Variants in PRDM16 observed in about 807,000 individuals in gnomAD.
PRDM16 encodes histone-lysine N-methyltransferase PRDM16.
A neutral mutation model predicts 110.6 loss-of-function variants in PRDM16; 23 were observed. The observed-to-expected ratio is 0.21, with a 90% CI of 0.15 to 0.29. PRDM16 has a LOEUF of 0.29. Among genes scored for constraint, PRDM16 ranks in the 10% least tolerant of loss-of-function variants. The pLI is 1.00. For missense variants in PRDM16, 1,615 were observed against 1,794.3 expected (o/e 0.90, Z 1.81); for synonymous variants, 799 against 781.8 (o/e 1.02, Z -0.37).
intron 1 of PRDM16, among the ~76,000 whole-genome samples, chr1:3,072,814 G>A (rs955341777): frequency 1.3e-5 from 2 of 152,030 alleles, no homozygotes; most frequent in African/African-American, 4.8e-5. Context: ...GCGGTGGAGG[G>A]GTGGAGTGCG....
At chr1:3,227,030 G>A (rs897696475) in intron 2 of PRDM16, among the ~76,000 whole-genome samples, 8 of 152,264 alleles carry the variant, frequency 5.3e-5, no homozygotes, top group South Asian at 2.1e-4. Flanking sequence ...CAATTCATAC[G>A]TTTAATAATA....
chr1:3,240,199 T>C (rs896156236), intron 2 of PRDM16, among the ~76,000 whole-genome samples: 1 of 151,408 alleles, frequency 6.6e-6, no homozygotes, highest in Non-Finnish European at 1.5e-5. Context: ...TTTGGGAGGA[T>C]TGCTGGAGTC....
At chr1:3,228,870 G>A (rs1336404495) in intron 2 of PRDM16, among the ~76,000 whole-genome samples, 1 of 152,196 alleles carries the variant, frequency 6.6e-6, no homozygotes, top group African/African-American at 2.4e-5. Context: ...CACCGCCACG[G>A]GCAGTGCTTT....
At chr1:3,345,776 GC>G in intron 3 of PRDM16, among the ~76,000 whole-genome samples, 1 of 75,036 alleles carries the variant, frequency 1.3e-5, no homozygotes, top group East Asian at 2.0e-4. Context: ...CTCCCGTGCT[GC>G]CCCCTCTGTG....
At chr1:3,412,954 T>C (rs1643718855) in intron 9 of PRDM16, among the ~76,000 whole-genome samples, 154 bp downstream of exon 9, 1 of 151,998 alleles carries the variant, frequency 6.6e-6, no homozygotes, top group African/African-American at 2.4e-5. Flanking sequence ...CTTGGGGGGG[T>C]CTGCACCCCT....
At position 3,255,956 on chromosome 1, in the gene PRDM16, G is replaced by A. The variant is rs563413465; in HGVS notation, c.438+11819G>A. Among the ~76,000 whole-genome samples the A allele has an allele frequency of 7.2e-6, 1 of 139,078 alleles. No individual in the cohort carries two copies. Among genetic ancestry groups the A allele is most frequent in the African/African-American group, 2.5e-5 (1 of 40,230 alleles). 91.2% of individuals were successfully genotyped at this position (139,078 alleles called of 152,430 possible). ...CGTGGCCACACCAACAGTACAGGGTGGAACGAGCTCCGCCTCTCAGGGGAG... is the reference window on the plus strand; with the variant it reads ...CGTGGCCACACCAACAGTACAGGGTAGAACGAGCTCCGCCTCTCAGGGGAG... On this transcript the variant is annotated intron_variant, in intron 3 of 16. Coordinates refer to ENST00000270722, the MANE Select transcript of PRDM16 (RefSeq NM_022114.4). The surrounding 1 kb of genome is among the most constrained non-coding windows in gnomAD (Gnocchi z 4.7).
Position 3,209,491 on chromosome 1 carries a change from G to A in PRDM16, c.387+23017G>A, listed in dbSNP as rs889475081. On this transcript the variant is annotated intron_variant, in intron 2 of 16. Coordinates refer to ENST00000270722, the MANE Select transcript of PRDM16 (RefSeq NM_022114.4). This position sits in a 1 kb window ranked among gnomAD's most constrained non-coding sequence, Gnocchi z 4.6. Reference sequence around the variant, plus strand: ...CCCCGGGACAGCCAGGGAGGCAGGAGGCCAGGCCTGGGTGTGGAATAGGCC... The same window carrying A: ...CCCCGGGACAGCCAGGGAGGCAGGAAGCCAGGCCTGGGTGTGGAATAGGCC... 6.6e-5 allele frequency among the ~76,000 whole-genome samples: 10 copies of A among 152,230 alleles called. No individual in the cohort carries two copies. The highest frequency in any genetic ancestry group is 2.4e-4 in the African/African-American group (10 of 41,462).
intron 3 of PRDM16, among the ~76,000 whole-genome samples, chr1:3,341,673 C>A (rs149398551): frequency 6.6e-6 from 1 of 152,226 alleles, no homozygotes; most frequent in Non-Finnish European, 1.5e-5. Context: ...AGAAAACATA[C>A]GTCGGGTTTT....
intron 3 of PRDM16, among the ~76,000 whole-genome samples, chr1:3,313,282 C>A (rs774258254): frequency 2.4e-4 from 36 of 152,364 alleles, no homozygotes; most frequent in Non-Finnish European, 4.0e-4. Flanking sequence ...GGAGCTGGAG[C>A]CCCACTCGCC....
chr1:3,316,668 C>CAGGAAACAGTGACACAGGGTAGAT (rs1194103521), intron 3 of PRDM16, among the ~76,000 whole-genome samples: 1 of 149,168 alleles, frequency 6.7e-6, no homozygotes, highest in East Asian at 1.9e-4. Flanking sequence ...ACAGGGTAGA[C>CAGGAAACAGTGACACAGGGTAGAT]AGGAAACAGT....
At chr1:3,231,293 G>A (rs565677227) in intron 2 of PRDM16, among the ~76,000 whole-genome samples, 2 of 152,178 alleles carry the variant, frequency 1.3e-5, no homozygotes, top group East Asian at 1.9e-4. Flanking sequence ...GGGTGGTTAC[G>A]TCTTGAGCGC....
At chr1:3,342,034 C>T (rs1252350415) in intron 3 of PRDM16, among the ~76,000 whole-genome samples, 1 of 152,218 alleles carries the variant, frequency 6.6e-6, no homozygotes, top group Non-Finnish European at 1.5e-5. Context: ...ATTGAGGTTG[C>T]AGGTTGCTGG....
At chr1:3,117,360 A>G (rs1227105266) in intron 1 of PRDM16, among the ~76,000 whole-genome samples, 1 of 152,126 alleles carries the variant, frequency 6.6e-6, no homozygotes, top group Non-Finnish European at 1.5e-5. Flanking sequence ...GGATGGGGCC[A>G]ATTGGAACCA....
chr1:3,365,093 C>T lies in PRDM16; in HGVS notation c.439-20059C>T, dbSNP rs548659250. Among the ~76,000 whole-genome samples the T allele has an allele frequency of 4.6e-5, 7 of 152,348 alleles. No homozygotes were observed. The East Asian group carries it at 1.2e-3, about 25-fold the overall frequency. On this transcript the variant is annotated intron_variant, in intron 3 of 16. Coordinates refer to ENST00000270722, the MANE Select transcript of PRDM16 (RefSeq NM_022114.4). ...GACCCACTCGGCCAGTGGGCGAGGG[C>T]AGCAACCTGGAGCTGGCACTGTGGG...
rs539176391 is a variant in PRDM16 at position 3,394,376 on chromosome 1, C to T, written c.574-2115C>T. ...GGATCCAGGAGGGCCGCCCAGCCCCCGTCCGCCCACCCAGCCCTCTGCCCG... is the reference window on the plus strand; with the variant it reads ...GGATCCAGGAGGGCCGCCCAGCCCCTGTCCGCCCACCCAGCCCTCTGCCCG... On this transcript the variant is annotated intron_variant, in intron 4 of 16. Coordinates refer to ENST00000270722, the MANE Select transcript of PRDM16 (RefSeq NM_022114.4). The T allele has an allele frequency of 6.2e-4, 275 of 441,822 alleles. 3 individuals are homozygous for T. Among genetic ancestry groups the T allele is most frequent in the African/African-American group, 5.2e-3 (254 of 49,120 alleles). The allele number at this position is 441,822 out of a possible 1,614,324, so 27.4% of individuals were successfully genotyped here.
rs1642526582 is a variant in PRDM16 at position 3,353,086 on chromosome 1, C to T, written c.439-32066C>T. ...GGAGCCAGAAGTCAGGAAAGGGAGG[C>T]TGCAGCCGCACACCCGAAGAGCTCG... On this transcript the variant is annotated intron_variant, in intron 3 of 16. Coordinates refer to ENST00000270722, the MANE Select transcript of PRDM16 (RefSeq NM_022114.4). This position sits in a 1 kb window ranked among gnomAD's most constrained non-coding sequence, Gnocchi z 5.4. 6.6e-6 allele frequency among the ~76,000 whole-genome samples: 1 copy of T among 152,196 alleles called. No individual in the cohort carries two copies. Among genetic ancestry groups the T allele is most frequent in the Non-Finnish European group, 1.5e-5 (1 of 68,040 alleles).
chr1:3,114,633 CAT>C (rs1491112799), intron 1 of PRDM16, among the ~76,000 whole-genome samples: 13 of 151,830 alleles, frequency 8.6e-5, no homozygotes, highest in South Asian at 6.2e-4. Context: ...TGAACACACA[CAT>C]ATGTGCAAGC....
intron 4 of PRDM16, among the ~76,000 whole-genome samples, chr1:3,395,630 G>T (rs1557651180): frequency 6.6e-6 from 1 of 152,210 alleles, no homozygotes; most frequent in East Asian, 1.9e-4. Flanking sequence ...GGTTCCTTGT[G>T]CTGGCGGCAT....
Position 3,246,440 on chromosome 1 carries a change from C to T in PRDM16, c.438+2303C>T, listed in dbSNP as rs1340360279. 1.3e-5 allele frequency among the ~76,000 whole-genome samples: 2 copies of T among 152,224 alleles called. No homozygotes were observed. Among genetic ancestry groups the T allele is most frequent in the East Asian group, 3.9e-4 (2 of 5,174 alleles). ...GAGACCCCCCACGGCACCGCCGCGA[C>T]TGCAGGGAGCTCAGCGCAGGGTACC... On this transcript the variant is annotated intron_variant, in intron 3 of 16. Transcript: ENST00000270722. The surrounding 1 kb of genome is among the most constrained non-coding windows in gnomAD (Gnocchi z 5.2).
Sources: allele counts gnomAD v4.1 joint callset (sites outside exome capture counted in the v4.1 genomes callset), GRCh38; gene constraint gnomAD v4.1.1; non-coding constraint Gnocchi (gnomAD v3.1); transcripts MANE v1.5; gene names NCBI Gene and HGNC (gene_info 2026-07-23, HGNC 2026-07-21).